SLC24A2: variants seen among roughly 807,000 people sequenced by gnomAD.
The protein encoded by SLC24A2 is sodium/potassium/calcium exchanger 2.
Under a neutral mutation model 62.0 loss-of-function variants are expected in SLC24A2, and 36 were observed. The ratio of observed to expected loss-of-function variants is 0.58; its 90% CI spans 0.44 to 0.77. SLC24A2 has a LOEUF of 0.77. SLC24A2 is among the 30% of genes least tolerant of loss of function. The probability of loss-of-function intolerance (pLI) is 0.00; values close to 1 mark genes in which losing one functional copy is unlikely to be tolerated. For synonymous variants in SLC24A2, 358 were observed against 294.0 expected (o/e 1.22, Z -2.23); for missense variants, 846 against 817.9 (o/e 1.03, Z -0.42).
the SLC24A2 span, among the ~76,000 whole-genome samples, chr9:20,164,447 C>G: frequency 6.6e-6 from 1 of 152,020 alleles, no homozygotes; most frequent in African/African-American, 2.4e-5. Flanking sequence ...CCATCTCACA[C>G]CAGTTAGAAT....
At chr9:20,287,366 G>T in the SLC24A2 span, among the ~76,000 whole-genome samples, 1 of 152,284 alleles carries the variant, frequency 6.6e-6, no homozygotes, top group South Asian at 2.1e-4. Context: ...GAGGGTCATA[G>T]CAGCCCAATG....
rs1818605884 is a variant in SLC24A2 at position 19,645,130 on chromosome 9, AGGTAT to A, written c.931-22836_931-22832del. On this transcript the variant is annotated intron_variant, in intron 2 of 10. Transcript: ENST00000341998. ...TAAGTATTCAAGCTCCACACTGCAA[AGGTAT>A]GGACAGAGGGGCAAGTTACTAAGGA... Among the ~76,000 whole-genome samples, 3 of 149,804 alleles carry A rather than the reference AGGTAT, an allele frequency of 2.0e-5. No individual in the cohort carries two copies. In the East Asian group the frequency reaches 5.8e-4, roughly 29 times the overall value.
the SLC24A2 span, among the ~76,000 whole-genome samples, chr9:20,083,960 C>G: frequency 6.2e-4 from 94 of 152,320 alleles, 1 homozygote; most frequent in East Asian, 0.016. Context: ...TTTTCCTTTC[C>G]ATATACCTAT....
intron 7 of SLC24A2, among the ~76,000 whole-genome samples, chr9:19,562,328 G>C (rs1478602932): frequency 6.6e-6 from 1 of 152,080 alleles, no homozygotes; most frequent in Non-Finnish European, 1.5e-5. Flanking sequence ...TTCCAGAGTG[G>C]TAATGGAGTT....
At chr9:19,827,294 T>A in the SLC24A2 span, among the ~76,000 whole-genome samples, 1 of 152,084 alleles carries the variant, frequency 6.6e-6, no homozygotes, top group Non-Finnish European at 1.5e-5. Context: ...AAATGAGCTG[T>A]TTACCTCCAC....
intron 7 of SLC24A2, among the ~76,000 whole-genome samples, chr9:19,559,066 A>T (rs1224265124): frequency 6.6e-6 from 1 of 152,248 alleles, no homozygotes; most frequent in Non-Finnish European, 1.5e-5. Flanking sequence ...TTATAAAATT[A>T]ACTAGGATAA....
chr9:20,000,678 T>A, the SLC24A2 span, among the ~76,000 whole-genome samples: 1 of 152,188 alleles, frequency 6.6e-6, no homozygotes, highest in Non-Finnish European at 1.5e-5. Context: ...GAGTTTCTTA[T>A]GTGTCAGTGT....
the SLC24A2 span, among the ~76,000 whole-genome samples, chr9:19,819,942 G>A: frequency 5.4e-5 from 8 of 148,874 alleles, no homozygotes; most frequent in African/African-American, 1.5e-4. Context: ...TTGTAAAATC[G>A]TGGAACCAAC....
At chr9:19,596,662 T>G (rs927852915) in intron 5 of SLC24A2, among the ~76,000 whole-genome samples, 1 of 152,134 alleles carries the variant, frequency 6.6e-6, no homozygotes, top group Non-Finnish European at 1.5e-5. Flanking sequence ...ATGTAGACAA[T>G]GCTACTGGAT....
At chr9:19,952,231 T>C in the SLC24A2 span, among the ~76,000 whole-genome samples, 1 of 152,122 alleles carries the variant, frequency 6.6e-6, no homozygotes, top group African/African-American at 2.4e-5. Context: ...TTAAGCATTC[T>C]CTTCATACAT....
the SLC24A2 span, among the ~76,000 whole-genome samples, chr9:20,041,180 A>C: frequency 6.8e-6 from 1 of 146,110 alleles, no homozygotes; most frequent in Non-Finnish European, 1.5e-5. Flanking sequence ...GTGTGCGCGC[A>C]GAAGCATGCA....
the SLC24A2 span, among the ~76,000 whole-genome samples, chr9:20,061,056 G>T: frequency 1.3e-5 from 2 of 152,122 alleles, no homozygotes; most frequent in African/African-American, 4.8e-5. Flanking sequence ...TAAATGGAAA[G>T]ACATTCCATG....
chr9:20,279,357 C>T, the SLC24A2 span, among the ~76,000 whole-genome samples: 1 of 152,146 alleles, frequency 6.6e-6, no homozygotes, highest in Non-Finnish European at 1.5e-5. Flanking sequence ...ATGGTGAAAC[C>T]CCATCTCTAC....
At chr9:19,920,935 T>C in the SLC24A2 span, among the ~76,000 whole-genome samples, 242 of 152,092 alleles carry the variant, frequency 1.6e-3, no homozygotes, top group Non-Finnish European at 2.8e-3. Context: ...ATTTAATCTC[T>C]TGGCACTCAG....
At chr9:20,009,746 G>A in the SLC24A2 span, among the ~76,000 whole-genome samples, 1 of 152,146 alleles carries the variant, frequency 6.6e-6, no homozygotes, top group Non-Finnish European at 1.5e-5. Flanking sequence ...GAGGCAACCG[G>A]CAATTACCTG....
At chr9:19,776,093 A>C (rs1293780011) in intron 2 of SLC24A2, among the ~76,000 whole-genome samples, 2 of 152,202 alleles carry the variant, frequency 1.3e-5, no homozygotes, top group African/African-American at 4.8e-5. Flanking sequence ...GTGTGCATGC[A>C]TGTGCACATA....
At chr9:19,554,665 A>C (rs1834995038) in intron 7 of SLC24A2, among the ~76,000 whole-genome samples, 1 of 152,202 alleles carries the variant, frequency 6.6e-6, no homozygotes, top group Non-Finnish European at 1.5e-5. Flanking sequence ...TCCTTCATAC[A>C]ACTTCCTGGA....
At chr9:19,966,829 C>A in the SLC24A2 span, among the ~76,000 whole-genome samples, 1 of 152,228 alleles carries the variant, frequency 6.6e-6, no homozygotes, top group East Asian at 1.9e-4. Flanking sequence ...GAACTCTTTC[C>A]TCTCAAGCAA....
chr9:19,969,523 C>G, the SLC24A2 span, among the ~76,000 whole-genome samples: 8 of 152,306 alleles, frequency 5.3e-5, no homozygotes, highest in Admixed American at 4.6e-4. Flanking sequence ...TCACTCCTCA[C>G]ACATTACTGC....
Sources: allele counts gnomAD v4.1 joint callset (sites outside exome capture counted in the v4.1 genomes callset), GRCh38; gene constraint gnomAD v4.1.1; transcripts MANE v1.5; gene names NCBI Gene and HGNC (gene_info 2026-07-23, HGNC 2026-07-21).